The following KCNMA1 variants were observed in gnomAD, a reference collection of about 807,000 sequenced individuals.
The protein encoded by KCNMA1 is potassium calcium-activated channel subfamily M alpha 1, also known as Calcium-activated potassium channel subunit alpha-1.
Under a neutral mutation model 140.0 loss-of-function variants are expected in KCNMA1, and 29 were observed. The ratio of observed to expected loss-of-function variants is 0.21; its 90% CI spans 0.15 to 0.28. The LOEUF (loss-of-function observed/expected upper bound fraction) is 0.28, where lower values mean the gene tolerates loss of function less well. Ranked by LOEUF, KCNMA1 falls within the 10% of genes least tolerant of loss-of-function variation. KCNMA1 has a pLI of 1.00. For synonymous variants in KCNMA1, 612 were observed against 611.9 expected, an observed-to-expected ratio of 1.00 and a Z score of 0.00; for missense variants, 880 against 1,602.2, an observed-to-expected ratio of 0.55 and a Z score of 7.70.
At chr10:77,046,573 C>T (rs2095068315) in intron 14 of KCNMA1, among the ~76,000 whole-genome samples, 1 of 152,190 alleles carries the variant, frequency 6.6e-6, no homozygotes. Flanking sequence ...TGCGTTTTCT[C>T]ATTTCTTGCT....
At chr10:77,081,846 A>G (rs1462469504) in intron 12 of KCNMA1, among the ~76,000 whole-genome samples, 4 of 152,038 alleles carry the variant, frequency 2.6e-5, no homozygotes, top group Non-Finnish European at 5.9e-5. Flanking sequence ...GATTGGTCTC[A>G]TTAAACTGAG....
chr10:76,894,910 C>G (rs959350750), intron 25 of KCNMA1, among the ~76,000 whole-genome samples: 2 of 152,140 alleles, frequency 1.3e-5, no homozygotes, highest in Non-Finnish European at 2.9e-5. Flanking sequence ...GAGACCACCC[C>G]TCACATTGTG....
intron 1 of KCNMA1, among the ~76,000 whole-genome samples, chr10:77,445,487 C>T (rs757568257): frequency 5.3e-5 from 8 of 152,082 alleles, no homozygotes; most frequent in Non-Finnish European, 1.0e-4. Flanking sequence ...CCAATTGCAA[C>T]AAGGTCCAAG....
At chr10:77,066,184 T>G (rs1234282790) in intron 14 of KCNMA1, among the ~76,000 whole-genome samples, 1 of 151,740 alleles carries the variant, frequency 6.6e-6, no homozygotes, top group African/African-American at 2.4e-5. Flanking sequence ...GGAGGTGGGG[T>G]GGTAAGGGCA....
At position 77,108,524 on chromosome 10, in the gene KCNMA1, G is replaced by A. The variant is rs1298915310; in HGVS notation, c.1180C>T (p.Arg394Cys). The change falls in exon 9 of 28, where the codon CGC becomes TGC. Residue 394 changes from arginine (R) to cysteine (C), a missense_variant. Physicochemically the swap from Arg to Cys is radical, Grantham distance 180 (BLOSUM62 -3). Transcript: ENST00000286628. This position sits in a 1 kb window ranked among gnomAD's most constrained non-coding sequence, Gnocchi z 4.6. Reference sequence around the variant, plus strand: ...CTATAGGAGCCCCCGTATTTCTTGCGGTTTCCTATTAACTCTATGATTTCA... The same window carrying A: ...CTATAGGAGCCCCCGTATTTCTTGCAGTTTCCTATTAACTCTATGATTTCA... Reference protein sequence around the residue: ...VPEIIELIGNRKKYGGSYSAV... With the variant: ...VPEIIELIGNCKKYGGSYSAV... The A allele has an allele frequency of 3.1e-6, 5 of 1,613,682 alleles. No individual in the cohort carries two copies. Among genetic ancestry groups the A allele is most frequent in the Non-Finnish European group, 4.2e-6 (5 of 1,179,956 alleles).
chr10:77,115,398 C>T (rs540795555), intron 6 of KCNMA1, among the ~76,000 whole-genome samples: 61 of 152,126 alleles, frequency 4.0e-4, no homozygotes, highest in Non-Finnish European at 6.6e-4. Context: ...CTGCCTGTAC[C>T]TTGTAAGTCC....
chr10:77,037,677 G>A (rs2094425918), intron 15 of KCNMA1, among the ~76,000 whole-genome samples: 1 of 152,160 alleles, frequency 6.6e-6, no homozygotes, highest in South Asian at 2.1e-4. Flanking sequence ...GCTTGACGGA[G>A]CCCCTGCTGA....
chr10:77,010,285 G>A lies in KCNMA1; in HGVS notation c.2092+1682C>T, dbSNP rs188370873. On this transcript the variant is annotated intron_variant, in intron 18 of 27. Coordinates refer to ENST00000286628, the MANE Select transcript of KCNMA1 (RefSeq NM_001161352.2). ...ATTGAAATGATTCAGGAGATGTCTG[G>A]TCAACTCATCCGTGCTGCTGTGTCC... Among the ~76,000 whole-genome samples the A allele has an allele frequency of 2.6e-5, 4 of 152,166 alleles. No individual in the cohort carries two copies. The East Asian group carries it at 5.8e-4, about 22-fold the overall frequency.
chr10:77,409,764 G>C (rs1018229644), intron 1 of KCNMA1, among the ~76,000 whole-genome samples: 1 of 152,162 alleles, frequency 6.6e-6, no homozygotes, highest in Non-Finnish European at 1.5e-5. Flanking sequence ...TGCTGAATTA[G>C]ACCCAGTATA....
intron 1 of KCNMA1, among the ~76,000 whole-genome samples, chr10:77,520,159 CATATG>C (rs1567298003): frequency 9.5e-3 from 15 of 1,586 alleles, no homozygotes; most frequent in South Asian, 0.043. Flanking sequence ...TGAGGTCTGG[CATATG>C]CAGTGTGAGG....
At chr10:77,245,337 G>A (rs914013624) in intron 3 of KCNMA1, among the ~76,000 whole-genome samples, 1 of 152,180 alleles carries the variant, frequency 6.6e-6, no homozygotes, top group Admixed American at 6.5e-5. Context: ...GATAGTGAAA[G>A]CTGGTATACA....
At chr10:76,877,918 C>A in intron 29 of KCNMA1, 1 of 1,600,572 alleles carries the variant, frequency 6.2e-7, no homozygotes, top group African/African-American at 1.3e-5. Context: ...GGATAGAGAA[C>A]AAGAAGGAGA....
chr10:77,359,313 G>A (rs1341208651), intron 2 of KCNMA1, among the ~76,000 whole-genome samples: 2 of 152,170 alleles, frequency 1.3e-5, no homozygotes, highest in Non-Finnish European at 2.9e-5. Flanking sequence ...GTATGTGTGT[G>A]TGAGCGCCGC....
At chr10:77,042,203 A>G (rs1014974139) in intron 14 of KCNMA1, among the ~76,000 whole-genome samples, 32 of 152,222 alleles carry the variant, frequency 2.1e-4, no homozygotes, top group African/African-American at 7.5e-4. Context: ...AACCAATTCT[A>G]TTGCTAAATG....
At chr10:77,081,895 C>T (rs1439350627) in intron 12 of KCNMA1, among the ~76,000 whole-genome samples, 3 of 151,456 alleles carry the variant, frequency 2.0e-5, no homozygotes, top group African/African-American at 2.4e-5. Context: ...AAGACAAAGC[C>T]CATTTTTAAC....
At chr10:77,180,499 GT>G (rs897016920) in intron 5 of KCNMA1, among the ~76,000 whole-genome samples, 2 of 152,100 alleles carry the variant, frequency 1.3e-5, no homozygotes, top group Non-Finnish European at 2.9e-5. Flanking sequence ...GAGGAAAGAG[GT>G]TTTTTTATTT....
In KCNMA1 at chr10:77,153,689, C is replaced by G. The variant is rs542412891; in HGVS notation, c.808+29732G>C. 3.9e-5 allele frequency among the ~76,000 whole-genome samples: 6 copies of G among 152,242 alleles called. No homozygotes were observed. In the South Asian group the frequency reaches 1.2e-3, roughly 32 times the overall value. On this transcript the variant is annotated intron_variant, in intron 5 of 27. Coordinates refer to ENST00000286628, the MANE Select transcript of KCNMA1 (RefSeq NM_001161352.2). ...ACCTCCTTTTTTAATGAACCCAAAC[C>G]CACCCTGATGATTTTTTTATTCTGC...
intron 1 of KCNMA1, among the ~76,000 whole-genome samples, chr10:77,408,892 C>G (rs1308549932): frequency 6.6e-6 from 1 of 152,188 alleles, no homozygotes; most frequent in Non-Finnish European, 1.5e-5. Flanking sequence ...ACAGCTGCCT[C>G]TCAGTGGCAA....
At chr10:77,560,709 C>T (rs1160466355) in intron 1 of KCNMA1, among the ~76,000 whole-genome samples, 1 of 152,208 alleles carries the variant, frequency 6.6e-6, no homozygotes, top group Non-Finnish European at 1.5e-5. Flanking sequence ...CACTAGATCT[C>T]CTGAGGCTGA....
Sources: gnomAD v4.1 joint callset for allele counts (sites outside exome capture counted in the v4.1 genomes callset) on GRCh38, gnomAD v4.1.1 for gene constraint, Gnocchi (gnomAD v3.1) non-coding constraint, MANE v1.5 for transcripts, NCBI Gene and HGNC (gene_info 2026-07-23, HGNC 2026-07-21) for gene names.